Variants in ATP6V1C2 observed in about 807,000 individuals in gnomAD.
ATP6V1C2 encodes the protein V-type proton ATPase subunit C 2.
Under a neutral mutation model 56.8 loss-of-function variants are expected in ATP6V1C2, and 45 were observed. The ratio of observed to expected loss-of-function variants is 0.79; its 90% confidence interval spans 0.62 to 1.02. The LOEUF (loss-of-function observed/expected upper bound fraction) is 1.02, where lower values mean the gene tolerates loss of function less well. ATP6V1C2 is among the 50% of genes least tolerant of loss of function. The pLI is 0.00. For missense variants in ATP6V1C2, 463 were observed against 519.7 expected, an observed-to-expected ratio of 0.89 and a Z score of 1.06; for synonymous variants, 220 against 201.3, an observed-to-expected ratio of 1.09 and a Z score of -0.79.
chr2:10,752,074 C>A (rs1023013945), intron 3 of ATP6V1C2, among the ~76,000 whole-genome samples: 1 of 151,192 alleles, frequency 6.6e-6, no homozygotes. Flanking sequence ...AAAAAAAAAA[C>A]AACAACAACA....
At chr2:10,741,484 G>T (rs1354255193) in intron 3 of ATP6V1C2, among the ~76,000 whole-genome samples, 1 of 152,112 alleles carries the variant, frequency 6.6e-6, no homozygotes, top group African/African-American at 2.4e-5. Context: ...AGGTGTGGGG[G>T]CCCCTCTTGT....
chr2:10,781,128 A>G lies in ATP6V1C2; in HGVS notation c.1062-1115A>G, dbSNP rs541788168. On this transcript the variant is annotated intron_variant, in intron 12 of 13. Transcript: ENST00000272238. ...AGACAGGACAGGGCCGGAAGAACTC[A>G]GAGGCTGAGGAAAGGTTAAGGGCTG... is the stretch of plus-strand genomic sequence containing the variant. Among the ~76,000 whole-genome samples, 204 of 152,244 alleles carry G rather than the reference A, an allele frequency of 1.3e-3. 3 individuals are homozygous for G. Among genetic ancestry groups the G allele is most frequent in the South Asian group, 5.8e-3 (28 of 4,810 alleles).
chr2:10,765,698 G>A (rs1664177588), intron 5 of ATP6V1C2, among the ~76,000 whole-genome samples: 1 of 152,254 alleles, frequency 6.6e-6, no homozygotes, highest in Non-Finnish European at 1.5e-5. Context: ...CCTGTGCCAG[G>A]TGTGCCTTTC....
chr2:10,773,668 C>A (rs965838082), intron 8 of ATP6V1C2, among the ~76,000 whole-genome samples: 1 of 152,198 alleles, frequency 6.6e-6, no homozygotes, highest in Non-Finnish European at 1.5e-5. Context: ...CACGTGTGAG[C>A]CACCACACCC....
rs767639918 is a variant in ATP6V1C2, at chr2:10,780,182, C to T, written c.1061+1513C>T. Among the ~76,000 whole-genome samples, 1 of 152,176 alleles carries T rather than the reference C, an allele frequency of 6.6e-6. No homozygotes were observed. Among genetic ancestry groups the T allele is most frequent in the Non-Finnish European group, 1.5e-5 (1 of 68,024 alleles). ...GTAGGCTTTACCTGGGTATCTGTCTCATCTCCCCTCCCGCACCCCTTCCTC... is the reference window on the plus strand; with the variant it reads ...GTAGGCTTTACCTGGGTATCTGTCTTATCTCCCCTCCCGCACCCCTTCCTC... On this transcript the variant is annotated intron_variant, in intron 12 of 13. Transcript: ENST00000272238. The surrounding 1 kb of genome is among the most constrained non-coding windows in gnomAD (Gnocchi z 4.1).
intron 6 of ATP6V1C2, among the ~76,000 whole-genome samples, chr2:10,769,416 G>A (rs556688220): frequency 2.1e-3 from 315 of 152,244 alleles, no homozygotes; most frequent in African/African-American, 7.3e-3. Context: ...TGTAAGAGAA[G>A]CCAGGTGGCC....
chr2:10,775,236 G>C (rs544270992), intron 10 of ATP6V1C2, among the ~76,000 whole-genome samples, 165 bp downstream of exon 10: 1 of 152,230 alleles, frequency 6.6e-6, no homozygotes, highest in South Asian at 2.1e-4. Flanking sequence ...GCAGGGTCTG[G>C]GGGGAGGGGC....
chr2:10,763,299 T>G lies in ATP6V1C2; in HGVS notation c.284-1032T>G, dbSNP rs980087910. 6.6e-6 allele frequency among the ~76,000 whole-genome samples: 1 copy of G among 152,226 alleles called. No individual in the cohort carries two copies. The highest frequency in any genetic ancestry group is 2.1e-4 in the South Asian group (1 of 4,822). On this transcript the variant is annotated intron_variant, in intron 4 of 13. Transcript: ENST00000272238. The surrounding 1 kb of genome is among the most constrained non-coding windows in gnomAD (Gnocchi z 4.2). ...CCTTAGCCTCCACGTGAATACCATG[T>G]CTGTGTCCCAGTGAAGGGACACGAT...
chr2:10,733,176 G>A (rs1662060809), intron 3 of ATP6V1C2, among the ~76,000 whole-genome samples: 1 of 152,174 alleles, frequency 6.6e-6, no homozygotes, highest in Non-Finnish European at 1.5e-5. Flanking sequence ...AAGGAAAATG[G>A]TGTGGTCTGA....
rs1664689763 is a variant in ATP6V1C2, at chr2:10,772,539, C to T, written c.570-3C>T. The T allele has an allele frequency of 6.2e-7, 1 of 1,613,158 alleles. No individual in the cohort carries two copies. The highest frequency in any genetic ancestry group is 1.3e-5 in the African/African-American group (1 of 74,902). On this transcript the variant is annotated splice_polypyrimidine_tract_variant and splice_region_variant and intron_variant, in intron 7 of 13. Coordinates refer to ENST00000272238, the MANE Select transcript of ATP6V1C2 (RefSeq NM_001039362.2). ...ATCACGTAACGATTCTATGTTCTTG[C>T]AGACCAAACTACTCACAATGGCAAA...
At chr2:10,754,810 C>T (rs183751660) in intron 4 of ATP6V1C2, among the ~76,000 whole-genome samples, 2,391 of 152,130 alleles carry the variant, frequency 0.016, 36 homozygotes, top group Non-Finnish European at 0.024. Flanking sequence ...GATCTCCTGA[C>T]CTTGTGTCCG....
intron 13 of ATP6V1C2, among the ~76,000 whole-genome samples, chr2:10,782,763 G>A (rs1424257088): frequency 3.4e-5 from 5 of 148,402 alleles, no homozygotes; most frequent in East Asian, 2.0e-4. Flanking sequence ...CCTGGGAGGC[G>A]GAGGTTGCAG....
chr2:10,782,877 G>C (rs571372664), intron 13 of ATP6V1C2, among the ~76,000 whole-genome samples: 1 of 149,800 alleles, frequency 6.7e-6, no homozygotes, highest in East Asian at 1.9e-4. Context: ...GCCAGGAGTG[G>C]TGGTGCATGC....
chr2:10,765,907 C>T (rs72777379), intron 5 of ATP6V1C2, among the ~76,000 whole-genome samples: 20,482 of 152,150 alleles, frequency 0.13, 1,789 homozygotes, highest in Non-Finnish European at 0.2. Flanking sequence ...CCAGAGCACC[C>T]CTAGAGTGCC....
chr2:10,776,439 C>T (rs1333292975), intron 10 of ATP6V1C2, among the ~76,000 whole-genome samples: 1 of 152,138 alleles, frequency 6.6e-6, no homozygotes, highest in Non-Finnish European at 1.5e-5. Context: ...GGACCCCCAG[C>T]CCTTTGGATG....
Position 10,763,002 on chromosome 2 carries a change from T to G in ATP6V1C2, c.284-1329T>G, listed in dbSNP as rs917324167. Among the ~76,000 whole-genome samples, 1 of 152,020 alleles carries G rather than the reference T, an allele frequency of 6.6e-6. No individual in the cohort carries two copies. Among genetic ancestry groups the G allele is most frequent in the African/African-American group, 2.4e-5 (1 of 41,414 alleles). ...CTGCCCTTGGTCAGCTGGAGTCTTG[T>G]TTGGTGACCCCACTGGGCGCTGCTG... On this transcript the variant is annotated intron_variant, in intron 4 of 13. Coordinates refer to ENST00000272238, the MANE Select transcript of ATP6V1C2 (RefSeq NM_001039362.2). The surrounding 1 kb of genome is among the most constrained non-coding windows in gnomAD (Gnocchi z 4.2).
chr2:10,778,491 C>G, intron 11 of ATP6V1C2, 81 bp from the exon 12 acceptor site: 1 of 1,339,554 alleles, frequency 7.5e-7, no homozygotes. Flanking sequence ...AGGGCGTGCT[C>G]TGTCAAAACC....
rs1665652920 is a variant in ATP6V1C2 at position 10,785,068 on chromosome 2, C to T, written c.*1805C>T. The T allele has an allele frequency of 1.5e-6, 2 of 1,311,298 alleles. No homozygotes were observed. Among genetic ancestry groups the T allele is most frequent in the African/African-American group, 2.9e-5 (2 of 68,728 alleles). 81.2% of individuals were successfully genotyped at this position (1,311,298 alleles called of 1,614,324 possible). On this transcript the variant is annotated 3_prime_UTR_variant, in exon 14 of 14. Coordinates refer to ENST00000272238, the MANE Select transcript of ATP6V1C2 (RefSeq NM_001039362.2). ...TGACCAAAACACACACACACATTTA[C>T]AATGGACTGCTGGTGCAGAAGAATA... is the stretch of plus-strand genomic sequence containing the variant.
intron 4 of ATP6V1C2, among the ~76,000 whole-genome samples, chr2:10,760,639 C>G (rs1434939259): frequency 1.3e-5 from 2 of 152,216 alleles, no homozygotes; most frequent in Non-Finnish European, 2.9e-5. Flanking sequence ...GCTGGACATG[C>G]AGAGGTGATA....
Sources: gnomAD v4.1 joint callset for allele counts (sites outside exome capture counted in the v4.1 genomes callset) on GRCh38, gnomAD v4.1.1 for gene constraint, Gnocchi (gnomAD v3.1) non-coding constraint, MANE v1.5 for transcripts, NCBI Gene and HGNC (gene_info 2026-07-23, HGNC 2026-07-21) for gene names.